TEX26: variants seen among roughly 807,000 people sequenced by gnomAD.
TEX26 encodes testis-expressed protein 26.
Under a neutral mutation model 35.3 loss-of-function variants are expected in TEX26, and 34 were observed. The ratio of observed to expected loss-of-function variants is 0.96; its 90% CI spans 0.73 to 1.28. The LOEUF is 1.28. Ranked by LOEUF, TEX26 falls within the 50% of genes most tolerant of loss-of-function variation. The pLI is 0.00. For missense variants in TEX26, 371 were observed against 330.1 expected, an observed-to-expected ratio of 1.12 and a Z score of -0.96; for synonymous variants, 136 against 111.8, an observed-to-expected ratio of 1.22 and a Z score of -1.36.
chr13:30,946,698 G>A (rs994556125), intron 2 of TEX26, among the ~76,000 whole-genome samples: 6 of 151,786 alleles, frequency 4.0e-5, no homozygotes, highest in Admixed American at 2.0e-4. Context: ...TGCTTTCAGG[G>A]GTGAAGTCTG....
intron 2 of TEX26, among the ~76,000 whole-genome samples, chr13:30,941,325 T>C (rs61947601): frequency 0.019 from 2,823 of 152,336 alleles, 41 homozygotes; most frequent in African/African-American, 0.038. Context: ...GGAAATTTTA[T>C]CATCTGACTG....
intron 2 of TEX26, among the ~76,000 whole-genome samples, chr13:30,951,426 G>A (rs1287424022): frequency 2.6e-5 from 4 of 151,576 alleles, no homozygotes; most frequent in South Asian, 4.1e-4. Context: ...TATCTGAATG[G>A]CAATAGAATG....
chr13:30,966,590 AC>A (rs748907679), intron 5 of TEX26, among the ~76,000 whole-genome samples, 192 bp downstream of exon 5: 2 of 151,664 alleles, frequency 1.3e-5, no homozygotes, highest in Non-Finnish European at 2.9e-5. Context: ...GGTGCGCACC[AC>A]CATGCCCAGC....
intron 2 of TEX26, among the ~76,000 whole-genome samples, chr13:30,940,469 G>A (rs1953448572): frequency 6.6e-6 from 1 of 151,280 alleles, no homozygotes; most frequent in South Asian, 2.1e-4. Flanking sequence ...GAGTAGCTGG[G>A]ACTACAGGCG....
intron 4 of TEX26, among the ~76,000 whole-genome samples, chr13:30,961,688 C>T (rs1443136440): frequency 6.6e-6 from 1 of 152,178 alleles, no homozygotes. Context: ...GTGTCTGCCC[C>T]CACCATTCAC....
At chr13:30,971,663 T>C (rs770073049) in intron 6 of TEX26, among the ~76,000 whole-genome samples, 35 of 152,380 alleles carry the variant, frequency 2.3e-4, no homozygotes, top group Admixed American at 1.7e-3. Flanking sequence ...CTATTTGGTA[T>C]TCAGTTTATT....
intron 3 of TEX26, among the ~76,000 whole-genome samples, chr13:30,954,073 A>G (rs1954031714): frequency 1.3e-5 from 2 of 152,134 alleles, no homozygotes; most frequent in Admixed American, 1.3e-4. Flanking sequence ...ATGTAGTTTC[A>G]GTTGAAGACA....
Position 30,969,411 on chromosome 13 carries a change from C to A in TEX26, c.808+365C>A, listed in dbSNP as rs573846213. Reference sequence around the variant, plus strand: ...GTTGTTTTGCTGTATTTTGTCTAATCTTTATTTTCTGTTTGCTGGTACATT... The same window carrying A: ...GTTGTTTTGCTGTATTTTGTCTAATATTTATTTTCTGTTTGCTGGTACATT... On this transcript the variant is annotated intron_variant, in intron 6 of 6. Transcript: ENST00000380473. 3.3e-5 allele frequency among the ~76,000 whole-genome samples: 5 copies of A among 152,262 alleles called. No individual in the cohort carries two copies. The South Asian group carries it at 1.0e-3, about 32-fold the overall frequency.
At chr13:30,950,381 TA>T (rs929842855) in intron 2 of TEX26, among the ~76,000 whole-genome samples, 32 of 146,020 alleles carry the variant, frequency 2.2e-4, no homozygotes, top group African/African-American at 3.8e-4. Context: ...CTCTGTCAAA[TA>T]AAAAAAAAAG....
chr13:30,962,134 C>T (rs187400524), intron 4 of TEX26, among the ~76,000 whole-genome samples: 189 of 152,330 alleles, frequency 1.2e-3, no homozygotes, highest in Non-Finnish European at 8.7e-4. Context: ...TCCCAGTGAG[C>T]TTTTCCAGTT....
chr13:30,945,007 T>C (rs1272263819), intron 2 of TEX26, among the ~76,000 whole-genome samples: 1 of 152,066 alleles, frequency 6.6e-6, no homozygotes, highest in Non-Finnish European at 1.5e-5. Flanking sequence ...GTTGACTTTC[T>C]GTCTCAATGA....
chr13:30,949,369 T>C (rs1953838148), intron 2 of TEX26, among the ~76,000 whole-genome samples: 1 of 152,168 alleles, frequency 6.6e-6, no homozygotes, highest in African/African-American at 2.4e-5. Context: ...ATCCGGTTTA[T>C]ACCATCTTTA....
In TEX26 at chr13:30,966,298, C is replaced by A; in HGVS notation, c.546C>A (p.Phe182Leu). The part of the protein sequence containing the change: ...KLLPQPPDTE[F>L]RRNYQIPAKI... Reference sequence around the variant, plus strand: ...TTCCCCAACCTCCAGACACTGAATTCCGAAGGAATTACCAAATTCCAGCTA... The same window carrying A: ...TTCCCCAACCTCCAGACACTGAATTACGAAGGAATTACCAAATTCCAGCTA... The change falls in exon 5 of 7, where the codon TTC becomes TTA. Residue 182 changes from phenylalanine (F) to leucine (L), a missense_variant. Coordinates refer to ENST00000380473, the MANE Select transcript of TEX26 (RefSeq NM_152325.3). 1.2e-6 allele frequency: 2 copies of A among 1,614,098 alleles called. No homozygotes were observed. Among genetic ancestry groups the A allele is most frequent in the East Asian group, 4.5e-5 (2 of 44,878 alleles).
chr13:30,939,918 C>T (rs1953416330), intron 2 of TEX26, 140 bp downstream of exon 2: 2 of 712,338 alleles, frequency 2.8e-6, no homozygotes, highest in Admixed American at 4.6e-5. Flanking sequence ...TGTGTGCACA[C>T]CTCTGCTCCA....
chr13:30,965,260 C>T (rs1362146694), intron 4 of TEX26, among the ~76,000 whole-genome samples: 2 of 152,158 alleles, frequency 1.3e-5, no homozygotes, highest in African/African-American at 2.4e-5. Context: ...TAAAAATGCT[C>T]TCAGGTGCCA....
intron 3 of TEX26, among the ~76,000 whole-genome samples, chr13:30,956,265 G>A (rs1405146260): frequency 6.7e-6 from 1 of 148,630 alleles, no homozygotes; most frequent in African/African-American, 2.5e-5. Context: ...AACATGCGGT[G>A]TTTGGTTTTT....
intron 2 of TEX26, among the ~76,000 whole-genome samples, chr13:30,945,808 T>G (rs779716223): frequency 6.6e-6 from 1 of 151,978 alleles, no homozygotes; most frequent in Non-Finnish European, 1.5e-5. Context: ...AAAAGTCTGC[T>G]GTTAGTCTGA....
intron 4 of TEX26, 140 bp downstream of exon 4, chr13:30,957,169 C>T (rs1954171393): frequency 4.9e-6 from 4 of 815,708 alleles, no homozygotes; most frequent in Non-Finnish European, 5.6e-6. Flanking sequence ...CAAATAAAAA[C>T]CATCAAGTAT....
chr13:30,963,393 G>A (rs553624906), intron 4 of TEX26, among the ~76,000 whole-genome samples: 18 of 152,226 alleles, frequency 1.2e-4, no homozygotes, highest in South Asian at 2.1e-4. Flanking sequence ...TTTAGGTGTC[G>A]CTTAGGTCCC....
Sources: allele counts gnomAD v4.1 joint callset (sites outside exome capture counted in the v4.1 genomes callset), GRCh38; gene constraint gnomAD v4.1.1; transcripts MANE v1.5; gene names NCBI Gene and HGNC (gene_info 2026-07-23, HGNC 2026-07-21).